The following SPAG17 variants were observed in gnomAD, a reference collection of about 807,000 sequenced individuals.
The protein encoded by SPAG17 is sperm-associated antigen 17.
A neutral mutation model predicts 273.6 loss-of-function variants in SPAG17; 169 were observed. That is an observed-to-expected ratio of 0.62 (90% CI 0.55 to 0.70). The LOEUF is 0.70. SPAG17 is among the 30% of genes least tolerant of loss of function. The pLI is 0.00. For synonymous variants in SPAG17, 825 were observed against 873.2 expected (o/e 0.94, Z 0.97); for missense variants, 2,557 against 2,627.8 (o/e 0.97, Z 0.59).
chr1:117,974,690 T>C (rs997940312), intron 43 of SPAG17, among the ~76,000 whole-genome samples: 1 of 152,196 alleles, frequency 6.6e-6, no homozygotes, highest in Non-Finnish European at 1.5e-5. Flanking sequence ...AATGAGCAAG[T>C]GTAGGAAATC....
At chr1:118,163,339 A>G (rs1169876626) in intron 1 of SPAG17, among the ~76,000 whole-genome samples, 1 of 152,106 alleles carries the variant, frequency 6.6e-6, no homozygotes, top group African/African-American at 2.4e-5. Flanking sequence ...TTGAAGAATT[A>G]GTGGAAGGAA....
intron 3 of SPAG17, among the ~76,000 whole-genome samples, chr1:118,149,454 C>T (rs115057855): frequency 6.6e-6 from 1 of 152,254 alleles, no homozygotes; most frequent in African/African-American, 2.4e-5. Context: ...AAGAAAAATT[C>T]CAGTATTTTA....
chr1:118,060,854 T>C (rs1652208237), intron 18 of SPAG17, among the ~76,000 whole-genome samples: 1 of 152,194 alleles, frequency 6.6e-6, no homozygotes, highest in Admixed American at 6.5e-5. Context: ...GAATTCGTCA[T>C]GTTCCTTGAA....
At chr1:118,009,291 A>C (rs906542254) in intron 30 of SPAG17, among the ~76,000 whole-genome samples, 9 of 147,342 alleles carry the variant, frequency 6.1e-5, no homozygotes, top group Non-Finnish European at 1.4e-4. Context: ...ACACACACAA[A>C]CTATATGAGG....
intron 1 of SPAG17, among the ~76,000 whole-genome samples, chr1:118,166,668 A>G (rs1030307709): frequency 2.0e-5 from 3 of 152,030 alleles, no homozygotes; most frequent in African/African-American, 7.2e-5. Flanking sequence ...TATCATTGAA[A>G]CCATTTTTCT....
chr1:118,056,006 G>T, intron 18 of SPAG17, 92 bp from the exon 19 acceptor site: 9 of 1,032,168 alleles, frequency 8.7e-6, no homozygotes, highest in Non-Finnish European at 1.3e-5. Context: ...TTTTGCTCAT[G>T]TCAAAAATAT....
chr1:117,973,164 A>C (rs745769393), intron 44 of SPAG17, among the ~76,000 whole-genome samples: 5 of 152,180 alleles, frequency 3.3e-5, no homozygotes, highest in African/African-American at 4.8e-5. Flanking sequence ...CTGGCTCATA[A>C]AATTTCTCCC....
At position 118,036,787 on chromosome 1, in the gene SPAG17, G is replaced by A; in HGVS notation, c.3416C>T (p.Ser1139Leu). ...CATTTCACCTGGTGCCATTCCATTT[G>A]ATCCATAGTAACTTATCGAGAGGCA... ...GICLSISYYG[S>L]NGMAPEDKDP... The change falls in exon 24 of 49, where the codon TCA becomes TTA. Residue 1139 changes from serine to leucine, a missense_variant. Physicochemically the swap from Ser to Leu is moderately radical, Grantham distance 145 (BLOSUM62 -2). Coordinates refer to ENST00000336338, the MANE Select transcript of SPAG17 (RefSeq NM_206996.4). 1.9e-6 allele frequency: 3 copies of A among 1,554,106 alleles called. No individual in the cohort carries two copies. The highest frequency in any genetic ancestry group is 2.6e-6 in the Non-Finnish European group (3 of 1,147,650).
At chr1:118,013,653 G>T (rs1457902425) in intron 29 of SPAG17, among the ~76,000 whole-genome samples, 1 of 152,058 alleles carries the variant, frequency 6.6e-6, no homozygotes, top group African/African-American at 2.4e-5. Context: ...GTCACACTTG[G>T]CCATCATGTT....
chr1:118,104,669 G>A (rs1433478542), intron 4 of SPAG17, among the ~76,000 whole-genome samples: 1 of 152,158 alleles, frequency 6.6e-6, no homozygotes, highest in Non-Finnish European at 1.5e-5. Context: ...AAAAGATAGG[G>A]AAAAATATAT....
At chr1:118,088,423 T>G (rs1340634608) in intron 10 of SPAG17, among the ~76,000 whole-genome samples, 1 of 152,214 alleles carries the variant, frequency 6.6e-6, no homozygotes, top group Non-Finnish European at 1.5e-5. Context: ...CTGCAAGTTC[T>G]AGAGAGCTTT....
intron 3 of SPAG17, among the ~76,000 whole-genome samples, chr1:118,131,281 C>T (rs1039145557): frequency 5.9e-5 from 9 of 152,200 alleles, no homozygotes; most frequent in Non-Finnish European, 1.2e-4. Flanking sequence ...ACCAAATGTG[C>T]CTCAGAGCCT....
At chr1:118,048,928 G>T (rs530135826) in intron 20 of SPAG17, among the ~76,000 whole-genome samples, 16 of 151,934 alleles carry the variant, frequency 1.1e-4, no homozygotes, top group African/African-American at 3.6e-4. Context: ...AAATACAAAG[G>T]ATCACAGAGA....
At chr1:118,116,532 C>T (rs1232977179) in intron 3 of SPAG17, among the ~76,000 whole-genome samples, 2 of 152,128 alleles carry the variant, frequency 1.3e-5, no homozygotes, top group African/African-American at 2.4e-5. Flanking sequence ...GGAGCTGTGT[C>T]TTGTCTGAGC....
At chr1:118,098,700 T>C (rs1655871739) in intron 6 of SPAG17, among the ~76,000 whole-genome samples, 1 of 152,050 alleles carries the variant, frequency 6.6e-6, no homozygotes, top group Non-Finnish European at 1.5e-5. Context: ...ATGGAAACAA[T>C]AAAACATACT....
intron 20 of SPAG17, among the ~76,000 whole-genome samples, chr1:118,044,874 C>T (rs986014865): frequency 2.6e-5 from 4 of 152,284 alleles, no homozygotes; most frequent in Admixed American, 1.3e-4. Context: ...TCTCCAGCCA[C>T]GTTTCCTGTA....
intron 26 of SPAG17, 80 bp from the exon 27 acceptor site, chr1:118,025,496 TTTTC>T: frequency 9.7e-7 from 1 of 1,028,850 alleles, no homozygotes; most frequent in South Asian, 2.0e-5. Flanking sequence ...ATTATTTTCT[TTTTC>T]TTTTCTTTTC....
chr1:118,122,958 C>T (rs1009802217), intron 3 of SPAG17, among the ~76,000 whole-genome samples: 2 of 152,152 alleles, frequency 1.3e-5, no homozygotes, highest in Non-Finnish European at 2.9e-5. Context: ...CTGGCTACCC[C>T]TTTTATTTAA....
chr1:118,056,882 T>A (rs1414646686), intron 18 of SPAG17, among the ~76,000 whole-genome samples: 2 of 152,140 alleles, frequency 1.3e-5, no homozygotes, highest in Non-Finnish European at 1.5e-5. Flanking sequence ...GCATCCAAAT[T>A]CTCTGGCATT....
Sources: gnomAD v4.1 joint callset for allele counts (sites outside exome capture counted in the v4.1 genomes callset) on GRCh38, gnomAD v4.1.1 for gene constraint, MANE v1.5 for transcripts, NCBI Gene and HGNC (gene_info 2026-07-23, HGNC 2026-07-21) for gene names.